Variants in VPS35L observed in about 807,000 individuals in gnomAD.
VPS35L encodes VPS35 endosomal protein sorting factor like.
In VPS35L, 83 loss-of-function variants were observed where a neutral mutation model predicts 133.0. The observed-to-expected ratio is 0.62, with a 90% CI of 0.52 to 0.75. The LOEUF (loss-of-function observed/expected upper bound fraction) is 0.75. VPS35L is among the 30% of genes least tolerant of loss of function. The pLI is 0.00. For missense variants in VPS35L, 1,083 were observed against 1,206.8 expected, an observed-to-expected ratio of 0.90 and a Z score of 1.52; for synonymous variants, 423 against 449.9, an observed-to-expected ratio of 0.94 and a Z score of 0.76.
intron 27 of VPS35L, among the ~76,000 whole-genome samples, chr16:19,679,507 ATTTATTTATTTT>A (rs59193607): frequency 0.078 from 10,052 of 129,602 alleles, 680 homozygotes; most frequent in East Asian, 0.21. Context: ...TTATTTATTT[ATTTATTTATTTT>A]TTTGGAGACA....
At chr16:19,641,429 A>T (rs1371754419) in intron 21 of VPS35L, among the ~76,000 whole-genome samples, 1 of 152,162 alleles carries the variant, frequency 6.6e-6, no homozygotes, top group Non-Finnish European at 1.5e-5. Context: ...AACTAGTTTA[A>T]TATGATTTCA....
At position 19,699,708 on chromosome 16, in the gene VPS35L, A is replaced by G. The variant is rs937572863; in HGVS notation, c.2793+60A>G. ...ACTGGCCAGTGCACAACCACCCTCA[A>G]CACAGCATTGTGGCCTGGACATCAG... On this transcript the variant is annotated intron_variant, in intron 30 of 30. Transcript: ENST00000417362. The surrounding 1 kb of genome is among the most constrained non-coding windows in gnomAD (Gnocchi z 4.2). The G allele has an allele frequency of 6.3e-7, 1 of 1,595,748 alleles. No individual in the cohort carries two copies. Among genetic ancestry groups the G allele is most frequent in the Non-Finnish European group, 8.5e-7 (1 of 1,172,244 alleles).
chr16:19,578,383 A>AT lies in VPS35L; in HGVS notation c.434-669_434-668insT, dbSNP rs527569104. The AT allele has an allele frequency of 1.1e-3, 479 of 430,256 alleles. 2 individuals carry two copies. The highest frequency in any genetic ancestry group is 7.1e-3 in the African/African-American group (342 of 48,060). 26.7% of individuals were successfully genotyped at this position (430,256 alleles called of 1,614,324 possible). A position where few individuals can be genotyped will look rare whatever the true frequency, so the allele number is the denominator to read the frequency against. On this transcript the variant is annotated intron_variant, in intron 5 of 30. Transcript: ENST00000417362. ...AGTAAGACCCCATCTCAAAAAAAAAAAAATGCTAGAACAGAGGCCCCCTAA... is the reference window on the plus strand; with the variant it reads ...AGTAAGACCCCATCTCAAAAAAAAAATAAATGCTAGAACAGAGGCCCCCTAA...
chr16:19,592,049 ATTCTAAAAT>A (rs1972061531), intron 8 of VPS35L, among the ~76,000 whole-genome samples, 175 bp downstream of exon 8: 1 of 151,924 alleles, frequency 6.6e-6, no homozygotes, highest in African/African-American at 2.4e-5. Context: ...TTTTTGAAAC[ATTCTAAAAT>A]TTCTAAAATT....
At chr16:19,687,890 A>G (rs867002665) in intron 28 of VPS35L, among the ~76,000 whole-genome samples, 1 of 151,540 alleles carries the variant, frequency 6.6e-6, no homozygotes, top group African/African-American at 2.4e-5. Context: ...AGGCGGGAGG[A>G]TCACTTGAGG....
rs567689912 is a variant in VPS35L, at chr16:19,672,837, G to A, written c.2361+3538G>A. 5.3e-5 allele frequency among the ~76,000 whole-genome samples: 8 copies of A among 152,276 alleles called. 1 individual carries two copies. Among genetic ancestry groups the A allele is most frequent in the African/African-American group, 1.7e-4 (7 of 41,548 alleles). On this transcript the variant is annotated intron_variant, in intron 27 of 30. Coordinates refer to ENST00000417362, the MANE Select transcript of VPS35L (RefSeq NM_020314.7). ...AAAAATCAGGGTTTTGAATTAAGCA[G>A]TTGGTAAAAGTGAGAAGGCAAAAGA...
intron 26 of VPS35L, among the ~76,000 whole-genome samples, chr16:19,665,548 T>C (rs1974635227): frequency 6.6e-6 from 1 of 152,248 alleles, no homozygotes. Flanking sequence ...CCATTGTGTA[T>C]ATGTACCACA....
At chr16:19,576,192 A>C (rs1406862057) in intron 5 of VPS35L, among the ~76,000 whole-genome samples, 6 of 150,786 alleles carry the variant, frequency 4.0e-5, no homozygotes, top group Admixed American at 6.6e-5. Context: ...AAAAAAAAAA[A>C]ACAAAGAGGT....
intron 27 of VPS35L, among the ~76,000 whole-genome samples, chr16:19,674,675 T>C (rs958019757): frequency 6.6e-6 from 1 of 152,178 alleles, no homozygotes; most frequent in African/African-American, 2.4e-5. Context: ...TCTCTAGAGC[T>C]TATTCATAAC....
In VPS35L at chr16:19,691,391, T is replaced by C. The variant is rs751854721; in HGVS notation, c.2566T>C (p.Phe856Leu). ...NDSLYGGDSK[F>L]LAENNKLCET... ...CAGCCTCTACGGGGGAGACTCCAAG[T>C]TCCTGGCAGAAAACAACAAGCTGTG... Residue 856 changes from phenylalanine (F) to leucine (L), a missense_variant, in exon 29 of 31, where the codon TTC becomes CTC. Phe to Leu is a conservative substitution (Grantham distance 22, BLOSUM62 0). Coordinates refer to ENST00000417362, the MANE Select transcript of VPS35L (RefSeq NM_020314.7). The C allele has an allele frequency of 1.2e-6, 2 of 1,613,760 alleles. No homozygotes were observed. Among genetic ancestry groups the C allele is most frequent in the African/African-American group, 2.7e-5 (2 of 74,886 alleles).
chr16:19,662,745 C>T (rs1974528442), intron 26 of VPS35L, among the ~76,000 whole-genome samples: 2 of 152,176 alleles, frequency 1.3e-5, no homozygotes, highest in Admixed American at 1.3e-4. Context: ...TAACCCTTTC[C>T]TAAAGCTTTT....
chr16:19,683,097 T>A (rs113923573), intron 28 of VPS35L, among the ~76,000 whole-genome samples: 22 of 152,268 alleles, frequency 1.4e-4, no homozygotes, highest in East Asian at 3.9e-4. Context: ...GATAATTTTT[T>A]AAATTTTTTT....
At chr16:19,564,084 A>G (rs1366538116) in intron 1 of VPS35L, among the ~76,000 whole-genome samples, 2 of 151,822 alleles carry the variant, frequency 1.3e-5, no homozygotes, top group Admixed American at 6.6e-5. Context: ...CTTCAAATAT[A>G]TATATATTTT....
chr16:19,685,530 A>G (rs995800249), intron 28 of VPS35L, among the ~76,000 whole-genome samples: 50 of 152,204 alleles, frequency 3.3e-4, no homozygotes, highest in African/African-American at 1.2e-3. Context: ...GTACATTCCC[A>G]TTGGCTGTCT....
rs1172681088 is a variant in VPS35L, at chr16:19,616,675, G to A, written c.1102-11G>A. 6.2e-7 allele frequency: 1 copy of A among 1,610,488 alleles called. No homozygotes were observed. Among genetic ancestry groups the A allele is most frequent in the Non-Finnish European group, 8.5e-7 (1 of 1,178,074 alleles). On this transcript the variant is annotated splice_polypyrimidine_tract_variant and intron_variant, in intron 13 of 30. Coordinates refer to ENST00000417362, the MANE Select transcript of VPS35L (RefSeq NM_020314.7). The stretch of plus-strand genomic sequence containing the variant: ...CCCTCCTTTTCTAAGTGTTTGTTTG[G>A]CCTCCTGTAGATTCATGGGGATACG...
At chr16:19,677,233 T>TTTTA (rs571967703) in intron 27 of VPS35L, among the ~76,000 whole-genome samples, 81 of 151,910 alleles carry the variant, frequency 5.3e-4, no homozygotes, top group African/African-American at 1.4e-3. Flanking sequence ...GCCTGGCTAA[T>TTTTA]TTTATTTATT....
intron 27 of VPS35L, among the ~76,000 whole-genome samples, chr16:19,673,859 A>G (rs778787869): frequency 1.4e-4 from 22 of 152,148 alleles, no homozygotes; most frequent in Non-Finnish European, 2.2e-4. Context: ...CACAAAGCTT[A>G]TAAGTAGCAG....
At chr16:19,609,162 T>C (rs1049587338) in intron 11 of VPS35L, 141 bp downstream of exon 11, 7 of 721,290 alleles carry the variant, frequency 9.7e-6, no homozygotes, top group Non-Finnish European at 1.4e-5. Flanking sequence ...CTTTTTCTCA[T>C]TGAATCCAAA....
At chr16:19,613,596 A>C (rs145135365) in intron 12 of VPS35L, among the ~76,000 whole-genome samples, 21 of 152,214 alleles carry the variant, frequency 1.4e-4, no homozygotes, top group Non-Finnish European at 1.0e-4. Flanking sequence ...CCACCTTAGG[A>C]ACCTTATTGG....
Sources: allele counts gnomAD v4.1 joint callset (sites outside exome capture counted in the v4.1 genomes callset), GRCh38; gene constraint gnomAD v4.1.1; non-coding constraint Gnocchi (gnomAD v3.1); transcripts MANE v1.5; gene names NCBI Gene and HGNC (gene_info 2026-07-23, HGNC 2026-07-21).